The following NBPF14 variants were observed in gnomAD, a reference collection of about 807,000 sequenced individuals.
The protein encoded by NBPF14 is NBPF member 14, also known as NBPF family member NBPF14.
Under a neutral mutation model 91.2 loss-of-function variants are expected in NBPF14, and 104 were observed. The observed-to-expected ratio is 1.14, with a 90% CI of 0.97 to 1.34. The LOEUF is 1.34. Ranked by LOEUF, NBPF14 falls within the 40% of genes most tolerant of loss-of-function variation. The probability of loss-of-function intolerance (pLI) is 0.00; values close to 1 mark genes in which losing one functional copy is unlikely to be tolerated. For synonymous variants in NBPF14, 294 were observed against 303.8 expected, an observed-to-expected ratio of 0.97 and a Z score of 0.34; for missense variants, 908 against 783.0, an observed-to-expected ratio of 1.16 and a Z score of -1.91.
At chr1:148,575,789 C>T in exon 17 of NBPF14, 1 of 302,138 alleles carries the variant, frequency 3.3e-6, no homozygotes, top group South Asian at 2.3e-5. Flanking sequence ...GGCTCTTTCT[C>T]ATCCAGCAGC....
chr1:148,576,063 A>G (rs1659654486), intron 16 of NBPF14, among the ~76,000 whole-genome samples: 1 of 146,268 alleles, frequency 6.8e-6, no homozygotes, highest in East Asian at 2.0e-4. Context: ...CGGGTGACAC[A>G]CTGATGAAGG....
chr1:148,566,461 G>T lies in NBPF14; in HGVS notation c.3543-146C>A, dbSNP rs1405930431. ...TGAGGTAACAAATTGTTGCCTTCAT[G>T]TTGGGACAGAACAGGGCCAAATGGA... On this transcript the variant is annotated intron_variant, in intron 28 of 70. Coordinates refer to ENST00000619423, the Ensembl canonical transcript of NBPF14. 14 of 594,568 alleles carry T rather than the reference G, an allele frequency of 2.4e-5. 1 individual carries two copies. Among genetic ancestry groups the T allele is most frequent in the Non-Finnish European group, 3.6e-5 (12 of 336,558 alleles). The allele number at this position is 594,568 out of a possible 1,614,324, so 36.8% of individuals were successfully genotyped here.
intron 12 of NBPF14, among the ~76,000 whole-genome samples, chr1:148,579,894 T>C (rs1660644369): frequency 6.6e-6 from 1 of 152,118 alleles, no homozygotes; most frequent in Non-Finnish European, 1.5e-5. Context: ...GAGAAAGGAA[T>C]AGCATCAACA....
At chr1:148,576,849 A>AAATTAG (rs1659880378) in intron 15 of NBPF14, among the ~76,000 whole-genome samples, 1 of 148,520 alleles carries the variant, frequency 6.7e-6, no homozygotes, top group Admixed American at 6.7e-5. Flanking sequence ...TCAGACGCTG[A>AAATTAG]AATTAGAGTG....
chr1:148,587,155 G>C, intron 8 of NBPF14, 146 bp downstream of exon 8: 5 of 677,526 alleles, frequency 7.4e-6, no homozygotes, highest in Non-Finnish European at 1.3e-5. Flanking sequence ...CTTCTTCTCT[G>C]ATAAATATTT....
intron 6 of NBPF14, among the ~76,000 whole-genome samples, chr1:148,590,159 C>A (rs1264112672): frequency 7.1e-6 from 1 of 141,148 alleles, no homozygotes; most frequent in African/African-American, 2.6e-5. Context: ...TGCCAATTCT[C>A]CTGCCTCAGC....
chr1:148,566,525 A>G lies in NBPF14; in HGVS notation c.3543-210T>C, dbSNP rs1236404724. 1.5e-5 allele frequency among the ~76,000 whole-genome samples: 2 copies of G among 131,112 alleles called. 1 individual carries two copies. Among genetic ancestry groups the G allele is most frequent in the African/African-American group, 5.2e-5 (2 of 38,678 alleles). 86.0% of individuals were successfully genotyped at this position (131,112 alleles called of 152,430 possible). A position where few individuals can be genotyped will look rare whatever the true frequency, so the allele number is the denominator to read the frequency against. ...GAAAGACAGACACACACACACACACACACACACACACACACAAACACACAC... is the reference window on the plus strand; with the variant it reads ...GAAAGACAGACACACACACACACACGCACACACACACACACAAACACACAC... On this transcript the variant is annotated intron_variant, in intron 28 of 70. Coordinates refer to ENST00000619423, the Ensembl canonical transcript of NBPF14.
chr1:148,575,825 A>G lies in NBPF14; in HGVS notation c.2079-14T>C. On this transcript the variant is annotated splice_polypyrimidine_tract_variant and intron_variant, in intron 16 of 70. Transcript: ENST00000619423. ...TCCCTGCTGAGCCTGGAAAAGTAGG[A>G]AAAAGTAAAGAATAAGCCAGGGGGA... 3.1e-6 allele frequency: 1 copy of G among 319,138 alleles called. No individual in the cohort carries two copies. Among genetic ancestry groups the G allele is most frequent in the Non-Finnish European group, 5.4e-6 (1 of 185,866 alleles). The allele number at this position is 319,138 out of a possible 1,614,324, so 19.8% of individuals were successfully genotyped here. A position where few individuals can be genotyped will look rare whatever the true frequency, so the allele number is the denominator to read the frequency against.
chr1:148,593,209 G>C (rs1662784379), intron 3 of NBPF14, among the ~76,000 whole-genome samples: 1 of 148,514 alleles, frequency 6.7e-6, no homozygotes, highest in Non-Finnish European at 1.5e-5. Flanking sequence ...GGTCGAGGAG[G>C]CAACATTGAT....
intron 39 of NBPF14, among the ~76,000 whole-genome samples, chr1:148,557,804 A>T (rs1188370962): frequency 9.2e-6 from 1 of 109,204 alleles, no homozygotes; most frequent in Non-Finnish European, 1.7e-5. Context: ...GTTATGCTTT[A>T]TTGTTCCCAT....
chr1:148,566,522 C>T (rs1658374273), intron 28 of NBPF14, among the ~76,000 whole-genome samples: 6 of 126,882 alleles, frequency 4.7e-5, no homozygotes, highest in African/African-American at 1.6e-4. Context: ...CACACACACA[C>T]ACACACACAC....
At chr1:148,533,806 C>A (rs1570890252) in intron 70 of NBPF14, 55 bp downstream of exon 70, 3 of 766,700 alleles carry the variant, frequency 3.9e-6, no homozygotes, top group East Asian at 4.9e-5. Flanking sequence ...TTCCCTGAAT[C>A]TGTTGCCTCC....
chr1:148,559,842 G>A (rs1240079560), exon 37 of NBPF14: 11 of 1,530,542 alleles, frequency 7.2e-6, no homozygotes, highest in Admixed American at 3.6e-5. Context: ...ATATGTAAAA[G>A]GCACTTCTAT....
chr1:148,595,494 G>C, intron 2 of NBPF14, 49 bp downstream of exon 2: 1 of 1,298,348 alleles, frequency 7.7e-7, no homozygotes, highest in Non-Finnish European at 1.1e-6. Context: ...TCAGAGAGAA[G>C]ACAGGATATC....
intron 28 of NBPF14, among the ~76,000 whole-genome samples, chr1:148,566,560 G>C (rs1201047566): frequency 2.1e-5 from 3 of 142,770 alleles, no homozygotes; most frequent in African/African-American, 7.7e-5. Flanking sequence ...CACACACACA[G>C]AGAACGAGCT....
chr1:148,586,805 G>A lies in NBPF14; in HGVS notation c.1092-336C>T, dbSNP rs1485967952. Among the ~76,000 whole-genome samples, 55 of 137,204 alleles carry A rather than the reference G, an allele frequency of 4.0e-4. 1 individual carries two copies. Among genetic ancestry groups the A allele is most frequent in the African/African-American group, 1.4e-3 (50 of 36,548 alleles). 90.0% of individuals were successfully genotyped at this position (137,204 alleles called of 152,430 possible). On this transcript the variant is annotated intron_variant, in intron 8 of 70. Coordinates refer to ENST00000619423, the Ensembl canonical transcript of NBPF14. ...ACATTTCCATGTGAAAATACACATAGTGCATCTTGCGGCCACTAGATACAA... is the reference window on the plus strand; with the variant it reads ...ACATTTCCATGTGAAAATACACATAATGCATCTTGCGGCCACTAGATACAA...
At chr1:148,566,615 A>C (rs1451058928) in intron 28 of NBPF14, among the ~76,000 whole-genome samples, 2 of 140,838 alleles carry the variant, frequency 1.4e-5, no homozygotes, top group African/African-American at 5.1e-5. Context: ...GTAACAGGAC[A>C]CTCTGAGTTA....
chr1:148,534,972 T>C (rs1261324861), intron 68 of NBPF14, 116 bp from the exon 69 acceptor site: 4 of 735,710 alleles, frequency 5.4e-6, no homozygotes, highest in African/African-American at 3.8e-5. Flanking sequence ...GACAGATCCA[T>C]TAATGAGGTA....
chr1:148,533,748 G>T (rs1445603145), intron 70 of NBPF14, 113 bp downstream of exon 70: 1 of 758,176 alleles, frequency 1.3e-6, no homozygotes, highest in Non-Finnish European at 2.4e-6. Flanking sequence ...AATGACAGTA[G>T]GAGTAATTCA....
Sources: gnomAD v4.1 joint callset for allele counts (sites outside exome capture counted in the v4.1 genomes callset) on GRCh38, gnomAD v4.1.1 for gene constraint, MANE v1.5 for transcripts, NCBI Gene and HGNC (gene_info 2026-07-23, HGNC 2026-07-21) for gene names.